Variants in NRXN1 observed in about 807,000 individuals in gnomAD.
The protein encoded by NRXN1 is neurexin-1.
In NRXN1, 39 loss-of-function variants were observed where a neutral mutation model predicts 150.9. That is an observed-to-expected ratio of 0.26 (90% CI 0.20 to 0.34). The LOEUF (loss-of-function observed/expected upper bound fraction) is 0.34. Among genes scored for constraint, NRXN1 ranks in the 10% least tolerant of loss-of-function variants. The pLI is 1.00. For synonymous variants in NRXN1, 924 were observed against 757.0 expected, an observed-to-expected ratio of 1.22 and a Z score of -3.62; for missense variants, 1,815 against 1,949.9, an observed-to-expected ratio of 0.93 and a Z score of 1.30.
At chr2:50,765,083 C>T (rs988896675) in intron 5 of NRXN1, among the ~76,000 whole-genome samples, 10 of 152,012 alleles carry the variant, frequency 6.6e-5, no homozygotes, top group Admixed American at 2.0e-4. Context: ...AGACCAGCTC[C>T]TATGGAAACT....
rs1699181305 is a variant in NRXN1, at chr2:50,995,732, A to G, written c.772+31770T>C. Among the ~76,000 whole-genome samples, 4 of 151,978 alleles carry G rather than the reference A, an allele frequency of 2.6e-5. No individual in the cohort carries two copies. In the South Asian group the frequency reaches 6.2e-4, roughly 24 times the overall value. On this transcript the variant is annotated intron_variant, in intron 2 of 22. Transcript: ENST00000401669. Reference sequence around the variant, plus strand: ...CACCCCATCTAGTAGTTTCTCTTTCAGTCATGGATAAATGCAACTGGAGAC... The same window carrying G: ...CACCCCATCTAGTAGTTTCTCTTTCGGTCATGGATAAATGCAACTGGAGAC...
Position 51,027,744 on chromosome 2 carries a change from C to A in NRXN1, c.530G>T (p.Arg177Leu). ...LKLTLASVRE[R>L]EPFKGWIRDV... ...ACGAATCCACCCCTTGAAGGGCTCC[C>A]GCTCCCTCACCGAGGCCAGGGTGAG... is the stretch of plus-strand genomic sequence containing the variant. The change falls in exon 2 of 23, where the codon CGG becomes CTG. Residue 177 changes from arginine (R) to leucine (L), a missense_variant. Arg to Leu is a moderately radical substitution (Grantham distance 102). Coordinates refer to ENST00000401669, the MANE Select transcript of NRXN1 (RefSeq NM_001330078.2). 6.2e-7 allele frequency: 1 copy of A among 1,611,744 alleles called. No homozygotes were observed. The highest frequency in any genetic ancestry group is 1.1e-5 in the South Asian group (1 of 90,686).
intron 2 of NRXN1, chr2:50,964,043 G>A: frequency 2.4e-6 from 1 of 409,088 alleles, no homozygotes; most frequent in Non-Finnish European, 4.8e-6. Context: ...CTACTATGCA[G>A]AAGAATATGA....
intron 5 of NRXN1, among the ~76,000 whole-genome samples, chr2:50,740,725 C>T (rs1699325274): frequency 6.6e-6 from 1 of 152,032 alleles, no homozygotes; most frequent in Non-Finnish European, 1.5e-5. Flanking sequence ...ATCTCCCCCA[C>T]TTTTTATGCA....
At chr2:50,351,346 G>C (rs950926104) in intron 17 of NRXN1, among the ~76,000 whole-genome samples, 1 of 152,166 alleles carries the variant, frequency 6.6e-6, no homozygotes, top group Non-Finnish European at 1.5e-5. Flanking sequence ...ACCTCAGTCA[G>C]AATTACAGCA....
chr2:50,074,104 G>A (rs887612162), intron 19 of NRXN1, among the ~76,000 whole-genome samples: 5 of 151,992 alleles, frequency 3.3e-5, no homozygotes, highest in African/African-American at 1.2e-4. Context: ...ATTATAGGTT[G>A]CCAGATTTTT....
intron 5 of NRXN1, among the ~76,000 whole-genome samples, chr2:50,649,905 G>A (rs977610636): frequency 3.3e-5 from 5 of 151,910 alleles, no homozygotes; most frequent in African/African-American, 9.7e-5. Context: ...GAAGAAAAAC[G>A]AAGCAGCTGT....
At chr2:50,957,714 G>A (rs573140210) in intron 2 of NRXN1, among the ~76,000 whole-genome samples, 14 of 152,208 alleles carry the variant, frequency 9.2e-5, no homozygotes, top group African/African-American at 3.1e-4. Flanking sequence ...AAGAGAAAAA[G>A]TGATTTATTC....
intron 17 of NRXN1, among the ~76,000 whole-genome samples, chr2:50,369,781 T>C (rs2079876217): frequency 1.3e-5 from 2 of 151,964 alleles, no homozygotes; most frequent in African/African-American, 4.8e-5. Flanking sequence ...CTTCTACCCA[T>C]TTCTGTGAAC....
chr2:51,032,064 C>G lies in NRXN1; in HGVS notation c.-1005G>C, dbSNP rs1671661949. ...AATTTCCTGAGGTCTATGGATAAGG[C>G]GACTGCTGCTGCCTTTTCAGAGGCG... is the stretch of plus-strand genomic sequence containing the variant. On this transcript the variant is annotated 5_prime_UTR_variant, in exon 1 of 23. Transcript: ENST00000401669. 6.6e-6 allele frequency: 1 copy of G among 152,332 alleles called. No individual in the cohort carries two copies. The highest frequency in any genetic ancestry group is 1.9e-4 in the East Asian group (1 of 5,162). 9.4% of individuals were successfully genotyped at this position (152,332 alleles called of 1,614,324 possible). A position where few individuals can be genotyped will look rare whatever the true frequency, so the allele number is the denominator to read the frequency against.
intron 17 of NRXN1, among the ~76,000 whole-genome samples, chr2:50,243,539 T>C (rs572287462): frequency 6.6e-6 from 1 of 151,828 alleles, no homozygotes. Flanking sequence ...TTTTCTTGCA[T>C]TGGAATTTCA....
intron 12 of NRXN1, among the ~76,000 whole-genome samples, chr2:50,508,827 T>A (rs1216924306): frequency 1.3e-5 from 2 of 152,200 alleles, no homozygotes; most frequent in Admixed American, 1.3e-4. Context: ...GCTCCTTTCA[T>A]GCATTATTAA....
chr2:50,657,020 A>C (rs1490658828), intron 5 of NRXN1, among the ~76,000 whole-genome samples: 2 of 152,004 alleles, frequency 1.3e-5, no homozygotes, highest in African/African-American at 4.8e-5. Context: ...TTCTTAACTC[A>C]ATAAAAACTC....
intron 5 of NRXN1, among the ~76,000 whole-genome samples, chr2:50,716,504 A>C (rs1315512885): frequency 1.3e-5 from 2 of 152,174 alleles, no homozygotes; most frequent in Non-Finnish European, 2.9e-5. Context: ...TACAGTCCAC[A>C]TTTCAAATAA....
intron 2 of NRXN1, among the ~76,000 whole-genome samples, chr2:51,008,704 C>T (rs1363491068): frequency 6.6e-6 from 1 of 151,578 alleles, no homozygotes; most frequent in Non-Finnish European, 1.5e-5. Flanking sequence ...AATTTCCTAA[C>T]ATAACATTTT....
intron 18 of NRXN1, among the ~76,000 whole-genome samples, chr2:50,201,201 A>C (rs1396199123): frequency 6.6e-6 from 1 of 152,174 alleles, no homozygotes; most frequent in Non-Finnish European, 1.5e-5. Context: ...AATAAATTAC[A>C]ATCTAATGAG....
At chr2:50,305,591 T>C (rs1046994366) in intron 17 of NRXN1, among the ~76,000 whole-genome samples, 3 of 152,228 alleles carry the variant, frequency 2.0e-5, no homozygotes, top group African/African-American at 7.2e-5. Flanking sequence ...CAATTAATAC[T>C]AAATATCCAA....
intron 8 of NRXN1, among the ~76,000 whole-genome samples, chr2:50,602,942 T>G (rs891477720): frequency 2.6e-5 from 4 of 152,214 alleles, no homozygotes; most frequent in African/African-American, 9.6e-5. Context: ...AGACGCAGTC[T>G]GCCCCTGATA....
chr2:50,650,351 G>T (rs1553926653), intron 5 of NRXN1, among the ~76,000 whole-genome samples: 1 of 152,054 alleles, frequency 6.6e-6, no homozygotes, highest in Non-Finnish European at 1.5e-5. Context: ...CATTGTTTCT[G>T]TGGAGAAGTC....
Sources: gnomAD v4.1 joint callset for allele counts (sites outside exome capture counted in the v4.1 genomes callset) on GRCh38, gnomAD v4.1.1 for gene constraint, MANE v1.5 for transcripts, NCBI Gene and HGNC (gene_info 2026-07-23, HGNC 2026-07-21) for gene names.